GABRA3: variants seen among roughly 807,000 people sequenced by gnomAD.
GABRA3 encodes the protein gamma-aminobutyric acid receptor subunit alpha-3.
A neutral mutation model predicts 30.1 loss-of-function variants in GABRA3; 10 were observed. The ratio of observed to expected loss-of-function variants is 0.33; its 90% CI spans 0.20 to 0.56. The LOEUF is 0.56. Among genes scored for constraint, GABRA3 ranks in the 20% least tolerant of loss-of-function variants. The probability of loss-of-function intolerance (pLI) is 0.89; values close to 1 mark genes in which losing one functional copy is unlikely to be tolerated. For synonymous variants in GABRA3, 151 were observed against 146.8 expected (o/e 1.03, Z -0.21); for missense variants, 233 against 392.0 (o/e 0.59, Z 3.42).
At chrX:152,199,337 G>A (rs1277171857) in intron 7 of GABRA3, among the ~76,000 whole-genome samples, 1 of 104,377 alleles carries the variant, frequency 9.6e-6, no homozygotes, top group Non-Finnish European at 2.0e-5. Context: ...CTGCACTCCA[G>A]CCTGGGCAAC....
At chrX:152,370,765 T>A (rs1928814077) in intron 1 of GABRA3, among the ~76,000 whole-genome samples, 1 of 111,004 alleles carries the variant, frequency 9.0e-6, no homozygotes, top group South Asian at 3.8e-4. Context: ...TCATTACAAG[T>A]CCATGATCTT....
At chrX:152,335,248 C>T (rs1334524688) in intron 3 of GABRA3, among the ~76,000 whole-genome samples, 2 of 111,472 alleles carry the variant, frequency 1.8e-5, no homozygotes, top group African/African-American at 6.5e-5. Context: ...AGGGTCGTTC[C>T]TCAGAGAAAA....
chrX:152,423,893 T>C (rs1215456447), intron 1 of GABRA3, among the ~76,000 whole-genome samples: 2 of 111,331 alleles, frequency 1.8e-5, no homozygotes, highest in Non-Finnish European at 3.8e-5. Flanking sequence ...ATATTACAAA[T>C]GGATAACAAA....
intron 6 of GABRA3, among the ~76,000 whole-genome samples, chrX:152,221,054 A>C (rs914588983): frequency 4.6e-5 from 5 of 109,143 alleles, no homozygotes; most frequent in Non-Finnish European, 7.7e-5. Context: ...TGTGGCTTCT[A>C]CTCACTCTCT....
chrX:152,199,827 TTCTG>T lies in GABRA3; in HGVS notation c.779-2046_779-2043del, dbSNP rs1303063971. ...CACTTGCTCTCCTTCCCTCCCTCCTTTCTGTCTCACATTTACACACACACACATA... is the reference window on the plus strand; with the variant it reads ...CACTTGCTCTCCTTCCCTCCCTCCTTTCTCACATTTACACACACACACATA... On this transcript the variant is annotated intron_variant, in intron 7 of 9. Coordinates refer to ENST00000370314, the MANE Select transcript of GABRA3 (RefSeq NM_000808.4). 4.6e-5 allele frequency among the ~76,000 whole-genome samples: 5 copies of T among 109,367 alleles called. No individual in the cohort carries two copies. In the East Asian group the frequency reaches 1.1e-3, roughly 25 times the overall value. The allele number at this position is 109,367 out of a possible 115,157, so 95.0% of individuals were successfully genotyped here. A position where few individuals can be genotyped will look rare whatever the true frequency, so the allele number is the denominator to read the frequency against.
At chrX:152,219,525 T>C (rs745576390) in intron 6 of GABRA3, among the ~76,000 whole-genome samples, 2 of 111,569 alleles carry the variant, frequency 1.8e-5, no homozygotes, top group East Asian at 5.7e-4. Context: ...AGCTTAACAA[T>C]AGACATAGAG....
At chrX:152,235,002 G>GA (rs1291267662) in intron 5 of GABRA3, among the ~76,000 whole-genome samples, 2 of 111,335 alleles carry the variant, frequency 1.8e-5, no homozygotes, top group African/African-American at 3.3e-5. Flanking sequence ...CTAATTCTGT[G>GA]AAAAAATGAC....
intron 5 of GABRA3, among the ~76,000 whole-genome samples, chrX:152,248,002 A>T (rs190365542): frequency 9.0e-6 from 1 of 110,978 alleles, no homozygotes; most frequent in East Asian, 2.8e-4. Context: ...GGACATTCTC[A>T]ACGCACCTTT....
intron 3 of GABRA3, among the ~76,000 whole-genome samples, chrX:152,317,382 A>G (rs1939894415): frequency 8.9e-6 from 1 of 111,785 alleles, no homozygotes; most frequent in African/African-American, 3.3e-5. Context: ...AGGGACTTCA[A>G]TACTCCACTG....
chrX:152,299,201 ATGT>A (rs1393175678), intron 3 of GABRA3, among the ~76,000 whole-genome samples: 1 of 112,279 alleles, frequency 8.9e-6, no homozygotes, highest in Non-Finnish European at 1.9e-5. Flanking sequence ...GGAGTAAGTA[ATGT>A]TGAAGCCAGA....
chrX:152,320,824 C>A (rs779686288), intron 3 of GABRA3, among the ~76,000 whole-genome samples: 1 of 112,153 alleles, frequency 8.9e-6, no homozygotes, highest in African/African-American at 3.2e-5. Flanking sequence ...TTTGGTCTTT[C>A]TTAACATTAA....
chrX:152,253,800 C>T (rs986972339), intron 5 of GABRA3, among the ~76,000 whole-genome samples: 1 of 111,526 alleles, frequency 9.0e-6, no homozygotes, highest in African/African-American at 3.3e-5. Flanking sequence ...CTGTCTAGAA[C>T]GTCCTTCCTC....
chrX:152,218,767 T>C (rs149986310), intron 6 of GABRA3, among the ~76,000 whole-genome samples: 2,686 of 111,307 alleles, frequency 0.024, 44 homozygotes, highest in Middle Eastern at 0.064. Flanking sequence ...GCTCCCTGGT[T>C]GTACTGAGAA....
At chrX:152,409,458 C>G (rs149376436) in intron 1 of GABRA3, among the ~76,000 whole-genome samples, 1 of 111,824 alleles carries the variant, frequency 8.9e-6, no homozygotes, top group African/African-American at 3.2e-5. Context: ...GGACATTGGT[C>G]TGTGCAAAGA....
At chrX:152,284,958 A>G (rs1330300575) in intron 3 of GABRA3, among the ~76,000 whole-genome samples, 1 of 111,308 alleles carries the variant, frequency 9.0e-6, no homozygotes, top group Non-Finnish European at 1.9e-5. Flanking sequence ...ATAATACCAA[A>G]ACAACAAAGC....
chrX:152,172,789 C>G (rs1937019299), intron 9 of GABRA3, among the ~76,000 whole-genome samples: 2 of 111,343 alleles, frequency 1.8e-5, no homozygotes, highest in South Asian at 7.6e-4. Flanking sequence ...GGTGCTGGGG[C>G]TAGGGCAGAA....
chrX:152,378,464 T>C (rs1236825625), intron 1 of GABRA3, among the ~76,000 whole-genome samples: 4 of 111,728 alleles, frequency 3.6e-5, no homozygotes, highest in Non-Finnish European at 7.5e-5. Flanking sequence ...AATGTGTGTA[T>C]TACTAAGACA....
chrX:152,303,668 G>A (rs1484838596), intron 3 of GABRA3, among the ~76,000 whole-genome samples: 2 of 111,302 alleles, frequency 1.8e-5, no homozygotes, highest in Non-Finnish European at 3.8e-5. Flanking sequence ...GCAGGGATAT[G>A]GATGAAGCTG....
chrX:152,180,383 T>G (rs1937129879), intron 9 of GABRA3, among the ~76,000 whole-genome samples: 1 of 112,360 alleles, frequency 8.9e-6, no homozygotes, highest in Non-Finnish European at 1.9e-5. Context: ...TTTGTGAATT[T>G]TTAAATTGGG....
Sources: gnomAD v4.1 joint callset for allele counts (sites outside exome capture counted in the v4.1 genomes callset) on GRCh38, gnomAD v4.1.1 for gene constraint, MANE v1.5 for transcripts, NCBI Gene and HGNC (gene_info 2026-07-23, HGNC 2026-07-21) for gene names.